The following PCDHGB1 variants were observed in gnomAD, a reference collection of about 807,000 sequenced individuals.
PCDHGB1 encodes the protein protocadherin gamma subfamily B, 1, also known as protocadherin gamma-B1.
In PCDHGB1, 34 loss-of-function variants were observed where a neutral mutation model predicts 56.6. The ratio of observed to expected loss-of-function variants is 0.60; its 90% CI spans 0.46 to 0.80. PCDHGB1 has a LOEUF of 0.80. Ranked by LOEUF, PCDHGB1 falls within the 30% of genes least tolerant of loss-of-function variation. PCDHGB1 has a pLI of 0.00. For missense variants in PCDHGB1, 1,278 were observed against 1,204.6 expected, an observed-to-expected ratio of 1.06 and a Z score of -0.90; for synonymous variants, 561 against 505.9, an observed-to-expected ratio of 1.11 and a Z score of -1.46.
chr5:141,470,837 G>A (rs932315417), intron 1 of PCDHGB1, among the ~76,000 whole-genome samples: 4 of 151,948 alleles, frequency 2.6e-5, no homozygotes, highest in Non-Finnish European at 4.4e-5. Flanking sequence ...ACAAACACAC[G>A]CCACCATGCT....
chr5:141,410,653 A>G (rs1272999564), intron 1 of PCDHGB1: 9 of 1,589,886 alleles, frequency 5.7e-6, no homozygotes, highest in Non-Finnish European at 7.7e-6. Context: ...TGATTTATCT[A>G]ATAGTCTACT....
Position 141,392,866 on chromosome 5 carries a change from C to T in PCDHGB1, c.2409+40197C>T, listed in dbSNP as rs1000509941. The stretch of plus-strand genomic sequence containing the variant: ...CGCGGCGAGCTGATCCTGCTGTGCG[C>T]GCTGCTGGGAACGCTGTGGGAAATC... On this transcript the variant is annotated intron_variant, in intron 1 of 3. Transcript: ENST00000523390. 7 of 1,612,962 alleles carry T rather than the reference C, an allele frequency of 4.3e-6. No individual in the cohort carries two copies. The highest frequency in any genetic ancestry group is 3.3e-4 in the Middle Eastern group (2 of 6,060).
chr5:141,481,183 G>A (rs2099533234), intron 1 of PCDHGB1, among the ~76,000 whole-genome samples: 1 of 152,146 alleles, frequency 6.6e-6, no homozygotes, highest in African/African-American at 2.4e-5. Flanking sequence ...GCTTTATTGG[G>A]CCAGGCCCAA....
intron 1 of PCDHGB1, chr5:141,375,524 G>T: frequency 6.2e-7 from 1 of 1,613,986 alleles, no homozygotes; most frequent in Admixed American, 1.7e-5. Flanking sequence ...GGACCCTGAC[G>T]TGGACCAGAA....
intron 1 of PCDHGB1, chr5:141,364,442 G>C (rs755897877): frequency 2.5e-6 from 4 of 1,613,950 alleles, no homozygotes; most frequent in Non-Finnish European, 1.7e-6. Context: ...GATGCCGGAG[G>C]AGCTGGACAA....
At chr5:141,410,849 C>CTTTTTTGTTTTTTTTTTTTTTT (rs2095433183) in intron 1 of PCDHGB1, 1 of 129,786 alleles carries the variant, frequency 7.7e-6, no homozygotes, top group African/African-American at 6.0e-5. Flanking sequence ...TTGTCTTTGT[C>CTTTTTTGTTTTTTTTTTTTTTT]TTTTTTTTTT....
intron 1 of PCDHGB1, chr5:141,383,974 GAC>G: frequency 6.2e-7 from 1 of 1,613,818 alleles, no homozygotes; most frequent in Non-Finnish European, 8.5e-7. Flanking sequence ...AATCCCTGAA[GAC>G]ACACCTCTTG....
At chr5:141,498,669 C>T (rs774292307) in intron 2 of PCDHGB1, among the ~76,000 whole-genome samples, 29 of 152,156 alleles carry the variant, frequency 1.9e-4, no homozygotes, top group African/African-American at 6.0e-4. Flanking sequence ...TGGTGGCTCA[C>T]GCCTGTAATC....
intron 1 of PCDHGB1, chr5:141,360,173 G>T: frequency 6.2e-7 from 1 of 1,609,062 alleles, no homozygotes; most frequent in East Asian, 2.2e-5. Context: ...CTGGTGCGGT[G>T]GCTGCAGGTA....
In PCDHGB1 at chr5:141,432,296, G is replaced by A. The variant is rs895669878; in HGVS notation, c.2410-62511G>A. The A allele has an allele frequency of 2.5e-6, 4 of 1,614,106 alleles. No homozygotes were observed. The highest frequency in any genetic ancestry group is 1.1e-5 in the South Asian group (1 of 91,082). The stretch of plus-strand genomic sequence containing the variant: ...CGTGTCCATCAACTCCGACACTGGG[G>A]TACTGTATGCGCTGAGCTCCTTCGA... On this transcript the variant is annotated intron_variant, in intron 1 of 3. Transcript: ENST00000523390. The surrounding 1 kb of genome is among the most constrained non-coding windows in gnomAD (Gnocchi z 6.0).
At chr5:141,428,618 T>C (rs554092834) in intron 1 of PCDHGB1, 1 of 206,012 alleles carries the variant, frequency 4.9e-6, no homozygotes, top group African/African-American at 2.3e-5. Context: ...AATAACAAGA[T>C]AAGCTCTAAC....
At position 141,384,236 on chromosome 5, in the gene PCDHGB1, A is replaced by G. The variant is rs199759698; in HGVS notation, c.2409+31567A>G. On this transcript the variant is annotated intron_variant, in intron 1 of 3. Transcript: ENST00000523390. ...ATATTCATGCAGGTGGCAGACACCA[A>G]CGATAACCCACCCACCTTCCCCCAC... The G allele has an allele frequency of 1.1e-4, 176 of 1,613,768 alleles. No homozygotes were observed. The highest frequency in any genetic ancestry group is 1.5e-4 in the Non-Finnish European group (172 of 1,179,900).
intron 1 of PCDHGB1, chr5:141,416,744 A>G (rs1480936949): frequency 2.0e-5 from 3 of 152,210 alleles, no homozygotes; most frequent in Non-Finnish European, 4.4e-5. Context: ...GAAAATAGTG[A>G]CGTATTAGGT....
In PCDHGB1 at chr5:141,350,805, G is replaced by A. The variant is rs572789275; in HGVS notation, c.545G>A (p.Ser182Asn). 1.2e-6 allele frequency: 2 copies of A among 1,614,018 alleles called. No individual in the cohort carries two copies. The highest frequency in any genetic ancestry group is 1.3e-5 in the African/African-American group (1 of 75,076). Residue 182 changes from serine to asparagine, a missense_variant, in exon 1 of 4, where the codon AGT becomes AAT. Transcript: ENST00000523390. ...TACTTCTCTCTGTCAACGAAGGAAA[G>A]TCCTGATGGAAGTAAATATCCGGTA... ...NQYFSLSTKE[S>N]PDGSKYPVLL... is the part of the protein sequence containing the mutation.
At position 141,431,412 on chromosome 5, in the gene PCDHGB1, G is replaced by A. The variant is rs1458036274; in HGVS notation, c.2410-63395G>A. ...CTGGTCCTTACGGCCTCCGACGGGG[G>A]CGACCCGGTGCGCACAGGCACCGCG... On this transcript the variant is annotated intron_variant, in intron 1 of 3. Transcript: ENST00000523390. This position sits in a 1 kb window ranked among gnomAD's most constrained non-coding sequence, Gnocchi z 4.8. 1 of 1,613,596 alleles carries A rather than the reference G, an allele frequency of 6.2e-7. No homozygotes were observed. Among genetic ancestry groups the A allele is most frequent in the Non-Finnish European group, 8.5e-7 (1 of 1,180,058 alleles).
chr5:141,352,633 T>C lies in PCDHGB1; in HGVS notation c.2373T>C (p.Asp791=), dbSNP rs1464392466. The C allele has an allele frequency of 6.2e-7, 1 of 1,610,604 alleles. No homozygotes were observed. Among genetic ancestry groups the C allele is most frequent in the Admixed American group, 1.7e-5 (1 of 59,376 alleles). The part of the protein sequence containing the change: ...PSMVVCASNE[D]HKIAYDPSLS... ...TGGTTGTATGTGCCAGTAATGAAGATCACAAAATCGCTTATGACCCTTCTT... is the reference window on the plus strand; with the variant it reads ...TGGTTGTATGTGCCAGTAATGAAGACCACAAAATCGCTTATGACCCTTCTT... Residue 791 remains aspartate, a synonymous_variant, in exon 1 of 4, where the codon GAT becomes GAC. Transcript: ENST00000523390.
At chr5:141,422,665 C>T in intron 1 of PCDHGB1, 2 of 1,608,390 alleles carry the variant, frequency 1.2e-6, no homozygotes, top group Non-Finnish European at 8.5e-7. Context: ...CGCCCTCGAC[C>T]CGGACAGCAA....
intron 1 of PCDHGB1, among the ~76,000 whole-genome samples, chr5:141,373,593 T>G (rs1769715791): frequency 6.6e-6 from 1 of 152,258 alleles, no homozygotes; most frequent in African/African-American, 2.4e-5. Flanking sequence ...TGAAATGTGA[T>G]GATAATTCAA....
At chr5:141,482,338 T>C (rs2099556539) in intron 1 of PCDHGB1, among the ~76,000 whole-genome samples, 1 of 152,156 alleles carries the variant, frequency 6.6e-6, no homozygotes, top group African/African-American at 2.4e-5. Context: ...ATATCTACTT[T>C]GCAAACTTGT....
Sources: allele counts gnomAD v4.1 joint callset (sites outside exome capture counted in the v4.1 genomes callset), GRCh38; gene constraint gnomAD v4.1.1; non-coding constraint Gnocchi (gnomAD v3.1); transcripts MANE v1.5; gene names NCBI Gene and HGNC (gene_info 2026-07-23, HGNC 2026-07-21).